EYA1: variants seen among roughly 807,000 people sequenced by gnomAD.
The protein encoded by EYA1 is EYA transcriptional coactivator and phosphatase 1.
A neutral mutation model predicts 82.0 loss-of-function variants in EYA1; 16 were observed. The observed-to-expected ratio is 0.20, with a 90% confidence interval of 0.13 to 0.30. The LOEUF is 0.30. Ranked by LOEUF, EYA1 falls within the 10% of genes least tolerant of loss-of-function variation. EYA1 has a pLI of 1.00. For synonymous variants in EYA1, 261 were observed against 264.4 expected (o/e 0.99, Z 0.12); for missense variants, 633 against 730.7 (o/e 0.87, Z 1.54).
At chr8:71,504,004 C>T (rs1323719119) in intron 2 of EYA1, among the ~76,000 whole-genome samples, 2 of 152,102 alleles carry the variant, frequency 1.3e-5, no homozygotes, top group Non-Finnish European at 2.9e-5. Flanking sequence ...TAAATTATAG[C>T]AATTATTTTC....
At chr8:71,535,726 G>C in intron 2 of EYA1, 1 of 1,508,858 alleles carries the variant, frequency 6.6e-7, no homozygotes, top group Non-Finnish European at 8.9e-7. Context: ...CCTTAGGACT[G>C]ACATTCTGTT....
intron 2 of EYA1, among the ~76,000 whole-genome samples, chr8:71,469,473 C>A (rs1024326069): frequency 6.6e-6 from 1 of 152,024 alleles, no homozygotes; most frequent in South Asian, 2.1e-4. Flanking sequence ...ATGCATGTGT[C>A]CTGCTTACCA....
At chr8:71,370,419 A>G (rs2129088863) in intron 2 of EYA1, among the ~76,000 whole-genome samples, 1 of 149,710 alleles carries the variant, frequency 6.7e-6, no homozygotes, top group African/African-American at 2.5e-5. Flanking sequence ...AAAAGTAAAC[A>G]AGGCAGACAG....
chr8:71,438,168 A>G (rs1806144603), intron 2 of EYA1, among the ~76,000 whole-genome samples: 1 of 152,142 alleles, frequency 6.6e-6, no homozygotes, highest in Non-Finnish European at 1.5e-5. Context: ...CAAAAACAAT[A>G]AACAAAAATA....
At chr8:71,380,243 G>A (rs1317017748) in intron 2 of EYA1, among the ~76,000 whole-genome samples, 1 of 152,144 alleles carries the variant, frequency 6.6e-6, no homozygotes. Flanking sequence ...TATTATGCAT[G>A]GTTTGCAATA....
intron 12 of EYA1, among the ~76,000 whole-genome samples, chr8:71,220,747 A>G (rs915182527): frequency 4.6e-5 from 7 of 152,220 alleles, no homozygotes; most frequent in African/African-American, 1.4e-4. Flanking sequence ...GAGAAATGCA[A>G]TGCCAAGTGG....
intron 2 of EYA1, among the ~76,000 whole-genome samples, chr8:71,431,535 G>T (rs1020002121): frequency 3.3e-5 from 5 of 152,082 alleles, no homozygotes; most frequent in African/African-American, 1.2e-4. Context: ...CAAGTCCCAG[G>T]ATTAGACATG....
At chr8:71,376,886 C>T (rs1828404883) in intron 2 of EYA1, among the ~76,000 whole-genome samples, 2 of 152,138 alleles carry the variant, frequency 1.3e-5, no homozygotes, top group Non-Finnish European at 2.9e-5. Flanking sequence ...CGCTGCCCTG[C>T]CCAGGCTCCC....
intron 2 of EYA1, among the ~76,000 whole-genome samples, chr8:71,371,656 A>G (rs1828088052): frequency 6.6e-6 from 1 of 152,210 alleles, no homozygotes; most frequent in African/African-American, 2.4e-5. Context: ...CCAAATGAAA[A>G]GCAAAGCAAC....
chr8:71,479,468 T>G (rs1809940058), intron 2 of EYA1, among the ~76,000 whole-genome samples: 1 of 152,102 alleles, frequency 6.6e-6, no homozygotes, highest in Non-Finnish European at 1.5e-5. Context: ...TTTCTTTTAT[T>G]GCCCACCCCC....
intron 2 of EYA1, among the ~76,000 whole-genome samples, chr8:71,405,173 G>T (rs1830153170): frequency 1.3e-5 from 2 of 152,134 alleles, no homozygotes; most frequent in African/African-American, 2.4e-5. Flanking sequence ...TCTAGCACCT[G>T]AAATTCTACA....
chr8:71,458,997 G>T (rs1372558135), intron 2 of EYA1, among the ~76,000 whole-genome samples: 1 of 152,124 alleles, frequency 6.6e-6, no homozygotes, highest in Non-Finnish European at 1.5e-5. Flanking sequence ...GCGGCTCATG[G>T]TCTTCTAAAC....
chr8:71,269,915 G>T, intron 10 of EYA1, 92 bp from the exon 11 acceptor site: 1 of 911,930 alleles, frequency 1.1e-6, no homozygotes, highest in Admixed American at 1.8e-5. Context: ...ATCTTGAAAC[G>T]GAAGATGAAT....
chr8:71,380,958 T>C (rs1828668138), intron 2 of EYA1, among the ~76,000 whole-genome samples: 1 of 152,228 alleles, frequency 6.6e-6, no homozygotes, highest in African/African-American at 2.4e-5. Flanking sequence ...CAGGTCCCAC[T>C]GCCACCAGTG....
chr8:71,379,643 GACA>G (rs1828579863), intron 2 of EYA1, among the ~76,000 whole-genome samples: 1 of 152,140 alleles, frequency 6.6e-6, no homozygotes, highest in Non-Finnish European at 1.5e-5. Flanking sequence ...TATTTTAACA[GACA>G]ACTTCTTCTG....
chr8:71,241,487 G>A (rs1000670155), intron 12 of EYA1, among the ~76,000 whole-genome samples: 1 of 152,158 alleles, frequency 6.6e-6, no homozygotes, highest in African/African-American at 2.4e-5. Flanking sequence ...TCACTAGTCA[G>A]AATGTCTTAT....
In EYA1 at chr8:71,465,132, G is replaced by T. The variant is rs372044814; in HGVS notation, c.33+70612C>A. ...TTTCACTAAATGATACTTTATTACT[G>T]CCCACTTTCTTCAGAAAGGATTGAG... On this transcript the variant is annotated intron_variant, in intron 2 of 18. Coordinates refer to the EYA1 transcript ENST00000643681. 2.2e-4 allele frequency among the ~76,000 whole-genome samples: 33 copies of T among 152,124 alleles called. No individual in the cohort carries two copies. The East Asian group carries it at 2.9e-3, about 13-fold the overall frequency.
At chr8:71,338,508 C>T (rs775106686) in intron 3 of EYA1, among the ~76,000 whole-genome samples, 96 of 152,056 alleles carry the variant, frequency 6.3e-4, no homozygotes, top group African/African-American at 8.9e-4. Context: ...CATTGGAGCT[C>T]GGTGACATTA....
chr8:71,328,004 C>T (rs1340452260), intron 4 of EYA1, among the ~76,000 whole-genome samples: 6 of 151,668 alleles, frequency 4.0e-5, no homozygotes, highest in Non-Finnish European at 7.4e-5. Context: ...TACAGGTGCC[C>T]GCCACCATGC....
Sources: allele counts gnomAD v4.1 joint callset (sites outside exome capture counted in the v4.1 genomes callset), GRCh38; gene constraint gnomAD v4.1.1; transcripts MANE v1.5; gene names NCBI Gene and HGNC (gene_info 2026-07-23, HGNC 2026-07-21).